BICD2: variants seen among roughly 807,000 people sequenced by gnomAD.
BICD2 encodes the protein BICD cargo adaptor 2.
Under a neutral mutation model 72.9 loss-of-function variants are expected in BICD2, and 25 were observed. The observed-to-expected ratio is 0.34, with a 90% CI of 0.25 to 0.48. The LOEUF (loss-of-function observed/expected upper bound fraction) is 0.48, where lower values mean the gene tolerates loss of function less well. Ranked by LOEUF, BICD2 falls within the 20% of genes least tolerant of loss-of-function variation. BICD2 has a pLI of 0.99. For missense variants in BICD2, 894 were observed against 1,175.2 expected, an observed-to-expected ratio of 0.76 and a Z score of 3.50; for synonymous variants, 501 against 516.1, an observed-to-expected ratio of 0.97 and a Z score of 0.40.
intron 1 of BICD2, among the ~76,000 whole-genome samples, chr9:92,737,005 C>T (rs1417753130): frequency 6.6e-6 from 1 of 152,134 alleles, no homozygotes. Context: ...CACCCAAACC[C>T]CTAGGAGATA....
intron 1 of BICD2, among the ~76,000 whole-genome samples, chr9:92,739,012 G>C (rs1386787157): frequency 6.6e-6 from 1 of 152,008 alleles, no homozygotes; most frequent in South Asian, 2.1e-4. Context: ...CCTGGGAACG[G>C]CGGGCCTGGG....
At position 92,711,864 on chromosome 9, in the gene BICD2, AGAAG is replaced by A. The variant is rs1364882013; in HGVS notation, c.*3286_*3289del. On this transcript the variant is annotated 3_prime_UTR_variant, in exon 7 of 7. Transcript: ENST00000356884. ...ATTATTATAATTTTTCCTTTTTTGG[AGAAG>A]GAAGGACAGTTTTTCTTCCTCCAAG... The A allele has an allele frequency of 6.6e-6, 1 of 152,366 alleles. No individual in the cohort carries two copies. The highest frequency in any genetic ancestry group is 1.5e-5 in the Non-Finnish European group (1 of 67,988). The allele number at this position is 152,366 out of a possible 1,614,324, so 9.4% of individuals were successfully genotyped here. A position where few individuals can be genotyped will look rare whatever the true frequency, so the allele number is the denominator to read the frequency against.
intron 1 of BICD2, among the ~76,000 whole-genome samples, chr9:92,736,207 G>T (rs999439298): frequency 6.6e-6 from 1 of 152,180 alleles, no homozygotes; most frequent in African/African-American, 2.4e-5. Flanking sequence ...TGATAAAACA[G>T]GTTGCAGTAA....
intron 2 of BICD2, among the ~76,000 whole-genome samples, chr9:92,728,133 T>G (rs1315250001): frequency 6.6e-6 from 1 of 152,206 alleles, no homozygotes; most frequent in African/African-American, 2.4e-5. Flanking sequence ...CTCCTCCTGC[T>G]GGGCTCAAAC....
chr9:92,764,807 C>CGCCGCT lies in BICD2; in HGVS notation c.-69_-64dup, dbSNP rs957011288. 52 of 1,196,696 alleles carry CGCCGCT rather than the reference C, an allele frequency of 4.3e-5. No homozygotes were observed. Among genetic ancestry groups the CGCCGCT allele is most frequent in the Middle Eastern group, 3.4e-4 (1 of 2,918 alleles). 74.1% of individuals were successfully genotyped at this position (1,196,696 alleles called of 1,614,324 possible). ...CGCAGGCCGGGCCCTCCTCAGCCGC[C>CGCCGCT]GCCGCTGCCGCCGCCGCCGCCGCCC... On this transcript the variant is annotated 5_prime_UTR_variant, in exon 1 of 7. Transcript: ENST00000356884. The surrounding 1 kb of genome is among the most constrained non-coding windows in gnomAD (Gnocchi z 5.5).
chr9:92,736,689 AC>A (rs1564067053), intron 1 of BICD2, among the ~76,000 whole-genome samples: 1 of 152,078 alleles, frequency 6.6e-6, no homozygotes, highest in South Asian at 2.1e-4. Flanking sequence ...AGATTCAAGA[AC>A]CCTCTCTTGG....
chr9:92,728,916 C>T (rs1587675446), intron 2 of BICD2, 108 bp downstream of exon 2: 3 of 1,211,942 alleles, frequency 2.5e-6, no homozygotes, highest in South Asian at 1.5e-5. Context: ...CAGCCAGCTG[C>T]AGCGTCCCCA....
chr9:92,738,615 G>T (rs1853835912), intron 1 of BICD2, among the ~76,000 whole-genome samples: 1 of 152,340 alleles, frequency 6.6e-6, no homozygotes, highest in South Asian at 2.1e-4. Flanking sequence ...GGACAAACCT[G>T]TACAGGGAGT....
At chr9:92,744,089 A>C (rs1853955956) in intron 1 of BICD2, among the ~76,000 whole-genome samples, 2 of 152,218 alleles carry the variant, frequency 1.3e-5, no homozygotes, top group African/African-American at 4.8e-5. Context: ...TCCAACAGAC[A>C]CAGGCAACAG....
rs748664745 is a variant in BICD2, at chr9:92,722,707, C to T, written c.555G>A (p.Glu185=). 4 of 1,614,124 alleles carry T rather than the reference C, an allele frequency of 2.5e-6. No homozygotes were observed. In the South Asian group the frequency reaches 3.3e-5, roughly 13 times the overall value. The change falls in exon 3 of 7, where the codon GAG becomes GAA. Residue 185 remains glutamate (E), a synonymous_variant. Coordinates refer to ENST00000356884, the MANE Select transcript of BICD2 (RefSeq NM_001003800.2). ...GCTTCTGCAGGCTGATGTTCTCCTC[C>T]TCCAGTTCCGAGTAGTCCTGCAGCA... ...ARLLQDYSEL[E]EENISLQKQV... is the part of the protein sequence containing the mutation.
chr9:92,719,958 G>A (rs955342727), intron 4 of BICD2, among the ~76,000 whole-genome samples: 2 of 152,188 alleles, frequency 1.3e-5, no homozygotes, highest in Non-Finnish European at 2.9e-5. Context: ...TGGATCAACA[G>A]GGATCCATGT....
At chr9:92,756,386 C>T (rs1247424647) in intron 1 of BICD2, among the ~76,000 whole-genome samples, 1 of 151,864 alleles carries the variant, frequency 6.6e-6, no homozygotes, top group African/African-American at 2.4e-5. Context: ...CTCAGCCTCC[C>T]AAGTAGCTGG....
chr9:92,721,724 C>T (rs760616231), intron 3 of BICD2, among the ~76,000 whole-genome samples: 13 of 152,190 alleles, frequency 8.5e-5, no homozygotes, highest in East Asian at 1.9e-4. Flanking sequence ...CTCCACTAAG[C>T]GCCAACCTGA....
intron 2 of BICD2, among the ~76,000 whole-genome samples, chr9:92,727,112 C>T (rs934611513): frequency 2.0e-5 from 3 of 152,174 alleles, no homozygotes; most frequent in African/African-American, 7.2e-5. Context: ...ACTGCCGCTT[C>T]AGGATCTGAG....
At chr9:92,754,176 A>G (rs1041165476) in intron 1 of BICD2, among the ~76,000 whole-genome samples, 2 of 151,868 alleles carry the variant, frequency 1.3e-5, no homozygotes, top group African/African-American at 4.8e-5. Context: ...TAAGTGCTAC[A>G]ATACACATGA....
chr9:92,762,474 G>A (rs1370151621), intron 1 of BICD2, among the ~76,000 whole-genome samples: 1 of 152,150 alleles, frequency 6.6e-6, no homozygotes, highest in African/African-American at 2.4e-5. Flanking sequence ...ACTAGATTCA[G>A]AACAGAGCAG....
intron 1 of BICD2, among the ~76,000 whole-genome samples, chr9:92,730,100 C>G (rs1040644569): frequency 3.9e-5 from 6 of 152,214 alleles, no homozygotes; most frequent in Admixed American, 2.0e-4. Flanking sequence ...TCCCACTGCC[C>G]ACTACCCCCA....
intron 1 of BICD2, among the ~76,000 whole-genome samples, chr9:92,730,348 T>A (rs1322919097): frequency 2.0e-5 from 3 of 152,198 alleles, no homozygotes; most frequent in African/African-American, 7.2e-5. Context: ...ATTTACTATT[T>A]AATATTAAAT....
chr9:92,762,629 G>C (rs139023136), intron 1 of BICD2, among the ~76,000 whole-genome samples: 186 of 152,264 alleles, frequency 1.2e-3, no homozygotes, highest in African/African-American at 4.4e-3. Context: ...TACATGCCAC[G>C]AAAATGCCAA....
Sources: allele counts gnomAD v4.1 joint callset (sites outside exome capture counted in the v4.1 genomes callset), GRCh38; gene constraint gnomAD v4.1.1; non-coding constraint Gnocchi (gnomAD v3.1); transcripts MANE v1.5; gene names NCBI Gene and HGNC (gene_info 2026-07-23, HGNC 2026-07-21).